The following TNIK variants were observed in gnomAD, a reference collection of about 807,000 sequenced individuals.
The protein encoded by TNIK is TRAF2 and NCK-interacting protein kinase.
TNIK carries 49 observed loss-of-function variants against 191.3 expected under a neutral mutation model. The ratio of observed to expected loss-of-function variants is 0.26; its 90% CI spans 0.20 to 0.32. The LOEUF (loss-of-function observed/expected upper bound fraction) is 0.32, where lower values mean the gene tolerates loss of function less well. Among genes scored for constraint, TNIK ranks in the 10% least tolerant of loss-of-function variants. The pLI, the probability that TNIK is intolerant of heterozygous loss-of-function variation, is 1.00. For missense variants in TNIK, 1,155 were observed against 1,702.3 expected (o/e 0.68, Z 5.66); for synonymous variants, 594 against 600.9 (o/e 0.99, Z 0.17).
At chr3:171,240,698 A>G (rs1229208364) in intron 2 of TNIK, among the ~76,000 whole-genome samples, 1 of 152,178 alleles carries the variant, frequency 6.6e-6, no homozygotes, top group Non-Finnish European at 1.5e-5. Context: ...AATGGGTCAA[A>G]GAGTCTCAAA....
Position 171,101,618 on chromosome 3 carries a change from C to T in TNIK, c.2422G>A (p.Ala808Thr), listed in dbSNP as rs1438786284. The change falls in exon 22 of 33, where the codon GCC becomes ACC. Residue 808 changes from alanine (A) to threonine (T), a missense_variant. Ala to Thr is a moderately conservative substitution (Grantham distance 58, BLOSUM62 0). Around this residue, in one of 3 missense-constraint regions of TNIK, gnomAD observed 735 missense variants for 848.0 expected, o/e 0.87. Transcript: ENST00000436636. ...KAIDEDLTAL[A>T]KELRELRIEE... Reference sequence around the variant, plus strand: ...ATCCGGAGTTCTCTTAGTTCTTTGGCTAATGCCGTCAGATCCTATGAAAGA... The same window carrying T: ...ATCCGGAGTTCTCTTAGTTCTTTGGTTAATGCCGTCAGATCCTATGAAAGA... The T allele has an allele frequency of 6.2e-7, 1 of 1,612,922 alleles. No individual in the cohort carries two copies. Among genetic ancestry groups the T allele is most frequent in the Admixed American group, 1.7e-5 (1 of 59,888 alleles).
At chr3:171,369,309 A>G (rs533917557) in intron 2 of TNIK, among the ~76,000 whole-genome samples, 1 of 152,284 alleles carries the variant, frequency 6.6e-6, no homozygotes, top group African/African-American at 2.4e-5. Context: ...TTTCTCTTTC[A>G]AAAACCAGTT....
At chr3:171,218,867 A>AAT (rs1019850890) in intron 3 of TNIK, among the ~76,000 whole-genome samples, 2 of 132,916 alleles carry the variant, frequency 1.5e-5, no homozygotes, top group Non-Finnish European at 3.1e-5. Context: ...ATTTAATATA[A>AAT]ATATATTTTA....
intron 12 of TNIK, among the ~76,000 whole-genome samples, chr3:171,145,301 T>C (rs1365488594): frequency 2.6e-5 from 4 of 152,170 alleles, no homozygotes; most frequent in African/African-American, 9.7e-5. Flanking sequence ...TTAGCCAGGA[T>C]GGTCTCGATC....
chr3:171,418,684 G>C (rs1183358554), intron 1 of TNIK, among the ~76,000 whole-genome samples: 2 of 152,158 alleles, frequency 1.3e-5, no homozygotes. Flanking sequence ...GGCGTAGGGA[G>C]AATGAGGGGA....
intron 1 of TNIK, among the ~76,000 whole-genome samples, chr3:171,382,282 A>G (rs1008074992): frequency 2.3e-5 from 3 of 130,720 alleles, no homozygotes; most frequent in Admixed American, 9.9e-5. Context: ...GGGCAGTGGC[A>G]TGATCTCAGC....
At chr3:171,125,082 C>A (rs1397351969) in intron 17 of TNIK, among the ~76,000 whole-genome samples, 2 of 152,110 alleles carry the variant, frequency 1.3e-5, no homozygotes, top group Non-Finnish European at 2.9e-5. Flanking sequence ...GTAAAAGCTT[C>A]TTTTTCTTCT....
chr3:171,196,943 C>G (rs1441862835), intron 4 of TNIK, among the ~76,000 whole-genome samples: 13 of 152,072 alleles, frequency 8.5e-5, no homozygotes, highest in Admixed American at 5.2e-4. Flanking sequence ...TTTTAGTAGA[C>G]ACGGGGTTTC....
At chr3:171,230,854 C>T (rs1318776905) in intron 2 of TNIK, among the ~76,000 whole-genome samples, 1 of 152,164 alleles carries the variant, frequency 6.6e-6, no homozygotes, top group Non-Finnish European at 1.5e-5. Context: ...CTTCCTTCCC[C>T]TGTGGCTCCA....
chr3:171,412,118 T>G (rs1231505719), intron 1 of TNIK, among the ~76,000 whole-genome samples: 2 of 152,128 alleles, frequency 1.3e-5, no homozygotes, highest in Non-Finnish European at 1.5e-5. Flanking sequence ...ATGGCCAGTC[T>G]AATAACCCTT....
intron 32 of TNIK, among the ~76,000 whole-genome samples, chr3:171,065,195 G>C (rs1343478992): frequency 6.6e-6 from 1 of 152,150 alleles, no homozygotes; most frequent in Non-Finnish European, 1.5e-5. Context: ...CTTAGAGACT[G>C]GGTGGGAGCT....
intron 7 of TNIK, among the ~76,000 whole-genome samples, chr3:171,179,931 T>C (rs1736443572): frequency 6.6e-6 from 1 of 152,156 alleles, no homozygotes; most frequent in Non-Finnish European, 1.5e-5. Flanking sequence ...CTCCAGACCT[T>C]GGTAGTTCTA....
chr3:171,171,779 C>T (rs1735316252), intron 9 of TNIK, among the ~76,000 whole-genome samples: 1 of 152,172 alleles, frequency 6.6e-6, no homozygotes, highest in Admixed American at 6.5e-5. Context: ...TGGTTTACCC[C>T]TGCGAGTGGA....
chr3:171,066,544 C>G (rs1465380394), intron 31 of TNIK, 32 bp downstream of exon 31: 16 of 1,606,024 alleles, frequency 1.0e-5, no homozygotes, highest in Non-Finnish European at 1.4e-5. Flanking sequence ...GGGGGTGTAA[C>G]TGCTGAAGGA....
intron 2 of TNIK, among the ~76,000 whole-genome samples, chr3:171,231,223 T>C (rs1302394511): frequency 6.6e-6 from 1 of 152,154 alleles, no homozygotes; most frequent in Non-Finnish European, 1.5e-5. Context: ...GCAGTTCTTG[T>C]TGGAATAAAT....
intron 4 of TNIK, among the ~76,000 whole-genome samples, chr3:171,195,896 A>AC (rs1738623215): frequency 6.6e-6 from 1 of 152,228 alleles, no homozygotes; most frequent in Admixed American, 6.5e-5. Flanking sequence ...AGAAACTATC[A>AC]AAGACCACAA....
chr3:171,395,656 C>T (rs547942481), intron 1 of TNIK, among the ~76,000 whole-genome samples: 5 of 152,230 alleles, frequency 3.3e-5, no homozygotes, highest in South Asian at 4.2e-4. Flanking sequence ...ATCTTTTCTA[C>T]GATTAACCAG....
intron 1 of TNIK, among the ~76,000 whole-genome samples, chr3:171,391,939 G>T (rs1199644817): frequency 6.6e-6 from 1 of 151,670 alleles, no homozygotes; most frequent in Non-Finnish European, 1.5e-5. Flanking sequence ...AATTTTTTTT[G>T]ATGACCATAA....
At chr3:171,135,311 T>C (rs1209182383) in intron 15 of TNIK, among the ~76,000 whole-genome samples, 1 of 152,214 alleles carries the variant, frequency 6.6e-6, no homozygotes, top group Non-Finnish European at 1.5e-5. Flanking sequence ...ATGAGAAGCA[T>C]TAAAAGATCA....
Sources: allele counts gnomAD v4.1 joint callset (sites outside exome capture counted in the v4.1 genomes callset), GRCh38; gene constraint gnomAD v4.1.1; regional missense constraint gnomAD v4.1.1; transcripts MANE v1.5; gene names NCBI Gene and HGNC (gene_info 2026-07-23, HGNC 2026-07-21).